MAD1L1: variants seen among roughly 807,000 people sequenced by gnomAD.
The protein encoded by MAD1L1 is mitotic arrest deficient 1 like 1.
MAD1L1 carries 95 observed loss-of-function variants against 96.9 expected under a neutral mutation model. The observed-to-expected ratio is 0.98, with a 90% CI of 0.83 to 1.16. The LOEUF is 1.16. MAD1L1 is among the 50% of genes most tolerant of loss of function. The pLI is 0.00. For synonymous variants in MAD1L1, 473 were observed against 396.6 expected (o/e 1.19, Z -2.29); for missense variants, 1,007 against 954.4 (o/e 1.06, Z -0.73).
At chr7:2,048,910 C>T (rs760764304) in intron 12 of MAD1L1, among the ~76,000 whole-genome samples, 11 of 152,190 alleles carry the variant, frequency 7.2e-5, no homozygotes, top group South Asian at 4.1e-4. Flanking sequence ...AGCCACTGAC[C>T]GCGTCAACCA....
At chr7:2,179,304 T>C (rs189006866) in intron 10 of MAD1L1, among the ~76,000 whole-genome samples, 2 of 152,028 alleles carry the variant, frequency 1.3e-5, no homozygotes, top group Non-Finnish European at 2.9e-5. Context: ...CCGAGGCACA[T>C]GGACCACAAG....
At chr7:1,828,943 T>C (rs1295061975) in intron 18 of MAD1L1, among the ~76,000 whole-genome samples, 4 of 152,156 alleles carry the variant, frequency 2.6e-5, no homozygotes, top group Middle Eastern at 3.4e-3. Context: ...GGGGGACGGA[T>C]CCATGCCAGA....
intron 17 of MAD1L1, among the ~76,000 whole-genome samples, chr7:1,919,415 C>G (rs1788632521): frequency 1.3e-5 from 2 of 152,214 alleles, no homozygotes; most frequent in African/African-American, 4.8e-5. Context: ...GTCCAGGTGG[C>G]TGGCACTGAA....
intron 10 of MAD1L1, among the ~76,000 whole-genome samples, chr7:2,206,865 T>C (rs1195477094): frequency 7.9e-5 from 12 of 152,090 alleles, no homozygotes; most frequent in Admixed American, 7.9e-4. Context: ...GTGGATCACT[T>C]GAGGTCAGGA....
chr7:2,071,985 T>C (rs1410793037), intron 11 of MAD1L1, among the ~76,000 whole-genome samples: 2 of 152,210 alleles, frequency 1.3e-5, no homozygotes, highest in Non-Finnish European at 2.9e-5. Context: ...CGCAGTAAGC[T>C]TCATAATAAA....
intron 18 of MAD1L1, among the ~76,000 whole-genome samples, chr7:1,892,761 C>A (rs1278636457): frequency 6.6e-6 from 1 of 152,232 alleles, no homozygotes; most frequent in Non-Finnish European, 1.5e-5. Context: ...GACGCCCACC[C>A]TGCAGGCCTC....
chr7:1,839,250 C>G (rs1219351544), intron 18 of MAD1L1, among the ~76,000 whole-genome samples: 1 of 152,070 alleles, frequency 6.6e-6, no homozygotes, highest in Non-Finnish European at 1.5e-5. Flanking sequence ...TGCCCGGGGT[C>G]GAGGTGGTGG....
At chr7:2,198,534 C>T (rs564223265) in intron 10 of MAD1L1, among the ~76,000 whole-genome samples, 3 of 152,354 alleles carry the variant, frequency 2.0e-5, no homozygotes, top group East Asian at 1.9e-4. Flanking sequence ...CCGTGATGGC[C>T]GTCCACCCGG....
chr7:1,923,707 T>G (rs1788934306), intron 17 of MAD1L1, among the ~76,000 whole-genome samples: 2 of 152,270 alleles, frequency 1.3e-5, no homozygotes, highest in African/African-American at 4.8e-5. Context: ...CTTGCCTGGC[T>G]CTGTGGCCAG....
At chr7:2,141,283 T>C (rs1356881724) in intron 11 of MAD1L1, among the ~76,000 whole-genome samples, 1 of 152,238 alleles carries the variant, frequency 6.6e-6, no homozygotes, top group Non-Finnish European at 1.5e-5. Flanking sequence ...CACCGCGTGC[T>C]GCGGGGCACA....
intron 10 of MAD1L1, among the ~76,000 whole-genome samples, chr7:2,189,154 C>A (rs1438823728): frequency 2.6e-5 from 4 of 151,908 alleles, no homozygotes; most frequent in African/African-American, 9.7e-5. Flanking sequence ...AGGATGGCTA[C>A]CACCAAAAAA....
At chr7:1,818,467 C>T (rs1482562574) in intron 18 of MAD1L1, among the ~76,000 whole-genome samples, 1 of 152,116 alleles carries the variant, frequency 6.6e-6, no homozygotes, top group Admixed American at 6.5e-5. Flanking sequence ...CACTCAGCCT[C>T]GAGCTCCCGG....
At chr7:2,218,607 C>A (rs1793421254) in intron 6 of MAD1L1, among the ~76,000 whole-genome samples, 1 of 152,184 alleles carries the variant, frequency 6.6e-6, no homozygotes, top group Non-Finnish European at 1.5e-5. Flanking sequence ...CATGATGCTG[C>A]CCTTTCAACC....
At chr7:2,111,679 G>A (rs1787389651) in intron 11 of MAD1L1, among the ~76,000 whole-genome samples, 1 of 152,218 alleles carries the variant, frequency 6.6e-6, no homozygotes, top group Non-Finnish European at 1.5e-5. Context: ...GTTGGGGCCA[G>A]CAGCCGCACG....
At chr7:2,100,291 T>G (rs978239061) in intron 11 of MAD1L1, among the ~76,000 whole-genome samples, 1 of 152,212 alleles carries the variant, frequency 6.6e-6, no homozygotes, top group East Asian at 1.9e-4. Context: ...GATCTCCGCG[T>G]TCTCCTTTAC....
intron 11 of MAD1L1, among the ~76,000 whole-genome samples, chr7:2,077,883 C>T (rs1218860546): frequency 6.6e-6 from 1 of 152,250 alleles, no homozygotes; most frequent in Non-Finnish European, 1.5e-5. Context: ...GCTGTGTTCA[C>T]AGGCGCCCGT....
At chr7:1,972,326 G>A (rs539315816) in intron 15 of MAD1L1, among the ~76,000 whole-genome samples, 2 of 152,240 alleles carry the variant, frequency 1.3e-5, no homozygotes, top group East Asian at 3.9e-4. Flanking sequence ...GAAACCATTT[G>A]GGCCTAGGGA....
chr7:1,873,589 G>A (rs915411368), intron 18 of MAD1L1, among the ~76,000 whole-genome samples: 2 of 152,062 alleles, frequency 1.3e-5, no homozygotes, highest in Non-Finnish European at 2.9e-5. Flanking sequence ...GGCTGGGCAG[G>A]GGGCTCTGCG....
At chr7:1,847,763 C>T (rs762709218) in intron 18 of MAD1L1, 2 of 465,598 alleles carry the variant, frequency 4.3e-6, no homozygotes, top group African/African-American at 2.0e-5. Flanking sequence ...ACACTTGCTG[C>T]GTGCTGTGTA....
Sources: gnomAD v4.1 joint callset for allele counts (sites outside exome capture counted in the v4.1 genomes callset) on GRCh38, gnomAD v4.1.1 for gene constraint, MANE v1.5 for transcripts, NCBI Gene and HGNC (gene_info 2026-07-23, HGNC 2026-07-21) for gene names.